Variants in BCAT1 observed in about 807,000 individuals in gnomAD.
The protein encoded by BCAT1 is branched chain amino acid transaminase 1.
A neutral mutation model predicts 52.4 loss-of-function variants in BCAT1; 48 were observed. The ratio of observed to expected loss-of-function variants is 0.92; its 90% CI spans 0.73 to 1.16. BCAT1 has a LOEUF of 1.16. Among genes scored for constraint, BCAT1 ranks in the 50% most tolerant of loss-of-function variants. The pLI is 0.00. For missense variants in BCAT1, 451 were observed against 457.1 expected, an observed-to-expected ratio of 0.99 and a Z score of 0.12; for synonymous variants, 167 against 161.3, an observed-to-expected ratio of 1.04 and a Z score of -0.27.
At chr12:24,926,426 C>T (rs1385767141) in intron 1 of BCAT1, among the ~76,000 whole-genome samples, 2 of 151,940 alleles carry the variant, frequency 1.3e-5, no homozygotes, top group Non-Finnish European at 2.9e-5. Flanking sequence ...GTGAGGAGCC[C>T]CTCTGCCCGG....
chr12:24,908,368 T>C (rs562826375), intron 1 of BCAT1, among the ~76,000 whole-genome samples: 69 of 152,368 alleles, frequency 4.5e-4, no homozygotes, highest in African/African-American at 1.5e-3. Flanking sequence ...ATGTAGCTAC[T>C]GAGCACTTCA....
At chr12:24,934,325 C>T (rs1472847768) in intron 1 of BCAT1, among the ~76,000 whole-genome samples, 1 of 152,182 alleles carries the variant, frequency 6.6e-6, no homozygotes, top group Admixed American at 6.5e-5. Context: ...TGAGGCCTTT[C>T]TGGCCATGAT....
chr12:24,945,016 A>C (rs1393709784), intron 1 of BCAT1, among the ~76,000 whole-genome samples: 2 of 152,246 alleles, frequency 1.3e-5, no homozygotes, highest in African/African-American at 4.8e-5. Context: ...AAAAACGTTT[A>C]TGTGACATGC....
At chr12:24,929,410 T>C (rs1394643901) in intron 1 of BCAT1, among the ~76,000 whole-genome samples, 2 of 152,224 alleles carry the variant, frequency 1.3e-5, no homozygotes, top group Non-Finnish European at 2.9e-5. Flanking sequence ...ATGACCAGAA[T>C]ATGCCACATC....
intron 1 of BCAT1, among the ~76,000 whole-genome samples, chr12:24,927,859 C>A (rs1943615817): frequency 6.6e-6 from 1 of 152,186 alleles, no homozygotes; most frequent in Non-Finnish European, 1.5e-5. Flanking sequence ...CTCATTACTG[C>A]CCTTCACACC....
intron 9 of BCAT1, among the ~76,000 whole-genome samples, chr12:24,831,508 G>C (rs970413802): frequency 2.6e-5 from 4 of 152,166 alleles, no homozygotes; most frequent in Admixed American, 2.6e-4. Flanking sequence ...AATTAGCTGG[G>C]TGTGGTGGTG....
chr12:24,875,374 G>C (rs1017770648), intron 5 of BCAT1, among the ~76,000 whole-genome samples: 145 of 152,300 alleles, frequency 9.5e-4, no homozygotes, highest in African/African-American at 3.4e-3. Flanking sequence ...GAAAATGATA[G>C]TTGATACAAA....
At chr12:24,898,107 G>A (rs563527505) in intron 2 of BCAT1, among the ~76,000 whole-genome samples, 1 of 152,102 alleles carries the variant, frequency 6.6e-6, no homozygotes, top group Non-Finnish European at 1.5e-5. Flanking sequence ...AGTTTTAAGG[G>A]AACGATTTGT....
intron 7 of BCAT1, among the ~76,000 whole-genome samples, chr12:24,841,026 C>T (rs780612875): frequency 3.0e-4 from 46 of 151,956 alleles, no homozygotes; most frequent in Non-Finnish European, 4.3e-4. Context: ...ATATCATACA[C>T]GTTGCCAACA....
intron 1 of BCAT1, among the ~76,000 whole-genome samples, chr12:24,925,891 G>A (rs1943571939): frequency 6.6e-6 from 1 of 152,240 alleles, no homozygotes; most frequent in Non-Finnish European, 1.5e-5. Context: ...TTCACTCAGT[G>A]CTCAATGTTG....
chr12:24,901,338 G>A (rs1258324673), intron 2 of BCAT1, among the ~76,000 whole-genome samples: 3 of 152,196 alleles, frequency 2.0e-5, no homozygotes, highest in African/African-American at 4.8e-5. Flanking sequence ...ATTTGTATTT[G>A]TACAGTTTTC....
chr12:24,836,382 C>A (rs1940923747), intron 8 of BCAT1, 129 bp downstream of exon 8: 1 of 780,370 alleles, frequency 1.3e-6, no homozygotes, highest in African/African-American at 1.8e-5. Flanking sequence ...ACTTTTCATT[C>A]ACGTTAGAAT....
intron 1 of BCAT1, among the ~76,000 whole-genome samples, chr12:24,926,279 G>A (rs568846940): frequency 8.5e-4 from 129 of 151,842 alleles, no homozygotes; most frequent in Admixed American, 1.8e-3. Context: ...CCCGGCAGCC[G>A]CCCCATCTGA....
At position 24,815,608 on chromosome 12, in the gene BCAT1, G is replaced by T. The variant is rs1463185399; in HGVS notation, c.*2400C>A. 2 of 152,260 alleles carry T rather than the reference G, an allele frequency of 1.3e-5. No individual in the cohort carries two copies. Among genetic ancestry groups the T allele is most frequent in the Non-Finnish European group, 2.9e-5 (2 of 68,020 alleles). 9.4% of individuals were successfully genotyped at this position (152,260 alleles called of 1,614,324 possible). On this transcript the variant is annotated 3_prime_UTR_variant, in exon 11 of 11. Coordinates refer to ENST00000261192, the MANE Select transcript of BCAT1 (RefSeq NM_005504.7). ...TGTTCCTGTTAAATCTATTTAACAA[G>T]AAAGCGTCAAGGTCAATTTCCTGTC...
intron 1 of BCAT1, among the ~76,000 whole-genome samples, chr12:24,939,243 T>C (rs979543791): frequency 6.6e-6 from 1 of 152,234 alleles, no homozygotes; most frequent in Non-Finnish European, 1.5e-5. Flanking sequence ...GCTTGAATTA[T>C]TTCTGTTTTC....
chr12:24,875,476 C>T (rs967003187), intron 5 of BCAT1, among the ~76,000 whole-genome samples: 4 of 152,156 alleles, frequency 2.6e-5, no homozygotes, highest in Non-Finnish European at 5.9e-5. Flanking sequence ...TTATTTCCTT[C>T]AATTCGTACC....
intron 10 of BCAT1, among the ~76,000 whole-genome samples, chr12:24,824,574 A>G (rs971359421): frequency 6.6e-6 from 1 of 152,212 alleles, no homozygotes; most frequent in Non-Finnish European, 1.5e-5. Context: ...TTTTAGGATT[A>G]CAGGAATGAG....
At chr12:24,843,689 A>G (rs574955630) in intron 6 of BCAT1, among the ~76,000 whole-genome samples, 7 of 152,214 alleles carry the variant, frequency 4.6e-5, no homozygotes, top group Admixed American at 3.3e-4. Context: ...TCTTATAAAA[A>G]CATAGTCTTT....
intron 6 of BCAT1, among the ~76,000 whole-genome samples, chr12:24,847,566 T>C (rs995606630): frequency 3.3e-5 from 5 of 152,034 alleles, no homozygotes; most frequent in Non-Finnish European, 5.9e-5. Flanking sequence ...AGAGAGATAA[T>C]TTGTGTGTGT....
Sources: gnomAD v4.1 joint callset for allele counts (sites outside exome capture counted in the v4.1 genomes callset) on GRCh38, gnomAD v4.1.1 for gene constraint, MANE v1.5 for transcripts, NCBI Gene and HGNC (gene_info 2026-07-23, HGNC 2026-07-21) for gene names.